SLC39A12: variants seen among roughly 807,000 people sequenced by gnomAD.
SLC39A12 encodes solute carrier family 39 member 12, also known as zinc transporter ZIP12.
A neutral mutation model predicts 71.1 loss-of-function variants in SLC39A12; 63 were observed. The ratio of observed to expected loss-of-function variants is 0.89; its 90% confidence interval spans 0.72 to 1.09. The LOEUF is 1.09. SLC39A12 is among the 50% of genes least tolerant of loss of function. SLC39A12 has a pLI of 0.00. For synonymous variants in SLC39A12, 351 were observed against 301.3 expected, an observed-to-expected ratio of 1.16 and a Z score of -1.71; for missense variants, 892 against 812.6, an observed-to-expected ratio of 1.10 and a Z score of -1.19.
At chr10:17,972,765 T>C (rs1412690665) in intron 4 of SLC39A12, among the ~76,000 whole-genome samples, 2 of 151,396 alleles carry the variant, frequency 1.3e-5, no homozygotes, top group Non-Finnish European at 2.9e-5. Context: ...AATAGATCAA[T>C]GGTCTTATTT....
At chr10:18,011,693 A>T (rs1836229788) in intron 12 of SLC39A12, among the ~76,000 whole-genome samples, 1 of 152,244 alleles carries the variant, frequency 6.6e-6, no homozygotes, top group South Asian at 2.1e-4. Flanking sequence ...CCTAAGGAAA[A>T]AAAGGAGAAG....
At chr10:18,023,819 C>T (rs1347489502) in intron 12 of SLC39A12, among the ~76,000 whole-genome samples, 1 of 152,210 alleles carries the variant, frequency 6.6e-6, no homozygotes, top group Non-Finnish European at 1.5e-5. Flanking sequence ...CCACCACCAA[C>T]CTAAGTGCCC....
intron 2 of SLC39A12, among the ~76,000 whole-genome samples, chr10:17,959,841 CAAAT>C (rs1554848152): frequency 2.0e-5 from 3 of 152,072 alleles, no homozygotes; most frequent in East Asian, 1.9e-4. Context: ...GCTTGTGAAA[CAAAT>C]AAGGCAGCAC....
chr10:18,042,690 T>G lies in SLC39A12; in HGVS notation c.1948-15T>G. On this transcript the variant is annotated splice_polypyrimidine_tract_variant and intron_variant, in intron 12 of 12. Coordinates refer to ENST00000377369, the MANE Select transcript of SLC39A12 (RefSeq NM_001145195.2). Reference sequence around the variant, plus strand: ...TATATCTGGATCTTATTCTGGTTTTTTATTCTTTTTTTAGCTTCCTGAAAT... The same window carrying G: ...TATATCTGGATCTTATTCTGGTTTTGTATTCTTTTTTTAGCTTCCTGAAAT... 6.3e-7 allele frequency: 1 copy of G among 1,598,962 alleles called. No individual in the cohort carries two copies. The highest frequency in any genetic ancestry group is 1.1e-5 in the South Asian group (1 of 87,528).
chr10:17,989,592 G>A (rs1336683345), intron 7 of SLC39A12, among the ~76,000 whole-genome samples: 3 of 129,814 alleles, frequency 2.3e-5, no homozygotes, highest in South Asian at 2.5e-4. Flanking sequence ...TGGGTTTCCC[G>A]AAATTTTGTA....
chr10:18,041,821 ATG>A (rs1261395213), intron 12 of SLC39A12, among the ~76,000 whole-genome samples: 2 of 135,738 alleles, frequency 1.5e-5, no homozygotes, highest in Middle Eastern at 3.9e-3. Flanking sequence ...GTATACGTAT[ATG>A]TATGTACATA....
At chr10:17,985,449 A>G (rs1239970058) in intron 6 of SLC39A12, among the ~76,000 whole-genome samples, 1 of 115,450 alleles carries the variant, frequency 8.7e-6, no homozygotes, top group Non-Finnish European at 1.8e-5. Flanking sequence ...TTAAGAGGAT[A>G]GTTTTTTTTT....
chr10:17,961,418 G>A (rs1834685414), intron 2 of SLC39A12, among the ~76,000 whole-genome samples, 163 bp from the exon 3 acceptor site: 1 of 152,206 alleles, frequency 6.6e-6, no homozygotes, highest in Admixed American at 6.5e-5. Context: ...AGGCATCATT[G>A]TTATGCGGGA....
intron 5 of SLC39A12, among the ~76,000 whole-genome samples, chr10:17,979,429 T>G (rs932819543): frequency 1.5e-4 from 23 of 152,374 alleles, no homozygotes; most frequent in Non-Finnish European, 3.1e-4. Context: ...ATTCTCTTCT[T>G]GTTTCTCTCT....
chr10:18,036,246 C>A (rs1053494446), intron 12 of SLC39A12, among the ~76,000 whole-genome samples: 6 of 152,226 alleles, frequency 3.9e-5, no homozygotes, highest in Non-Finnish European at 8.8e-5. Flanking sequence ...CCTCCCCCAG[C>A]CTCACTGCCG....
At chr10:18,005,037 A>C (rs1260150479) in intron 12 of SLC39A12, among the ~76,000 whole-genome samples, 1 of 145,546 alleles carries the variant, frequency 6.9e-6, no homozygotes, top group Non-Finnish European at 1.5e-5. Context: ...GAACACATGG[A>C]CATAGGGACG....
intron 12 of SLC39A12, among the ~76,000 whole-genome samples, chr10:18,014,404 G>T (rs528056441): frequency 6.6e-6 from 1 of 152,180 alleles, no homozygotes; most frequent in African/African-American, 2.4e-5. Flanking sequence ...TTAACAGAAA[G>T]GTGTATTCTA....
chr10:17,955,553 A>G (rs1834519073), intron 2 of SLC39A12, among the ~76,000 whole-genome samples: 1 of 152,178 alleles, frequency 6.6e-6, no homozygotes, highest in African/African-American at 2.4e-5. Flanking sequence ...CATCTGAGGG[A>G]CTTTGTCTGC....
chr10:18,030,011 A>G (rs1004247368), intron 12 of SLC39A12, among the ~76,000 whole-genome samples: 1 of 151,038 alleles, frequency 6.6e-6, no homozygotes, highest in Admixed American at 6.6e-5. Context: ...ACTCTCTGGT[A>G]TTTGGTATCC....
chr10:17,986,900 G>C lies in SLC39A12; in HGVS notation c.1097-579G>C, dbSNP rs550507097. Among the ~76,000 whole-genome samples the C allele has an allele frequency of 7.5e-4, 114 of 152,288 alleles. 1 individual carries two copies. The highest frequency in any genetic ancestry group is 2.6e-3 in the African/African-American group (109 of 41,566). On this transcript the variant is annotated intron_variant, in intron 6 of 12. Transcript: ENST00000377369. ...CCTGCCCGTAGTCCCAGCTGCTCGA[G>C]GGTCTGATGTGGGAAGATCACTTGA...
At chr10:18,031,082 A>G (rs1440651490) in intron 12 of SLC39A12, among the ~76,000 whole-genome samples, 3 of 147,834 alleles carry the variant, frequency 2.0e-5, no homozygotes, top group Non-Finnish European at 3.0e-5. Context: ...AGTCTTTGCT[A>G]TTGTGAATAA....
chr10:18,011,364 C>G (rs897358889), intron 12 of SLC39A12, among the ~76,000 whole-genome samples: 1 of 152,234 alleles, frequency 6.6e-6, no homozygotes, highest in Non-Finnish European at 1.5e-5. Flanking sequence ...GCTGGGATTA[C>G]AGGCATGAGC....
At chr10:18,024,601 T>G (rs963821538) in intron 12 of SLC39A12, among the ~76,000 whole-genome samples, 4 of 152,208 alleles carry the variant, frequency 2.6e-5, no homozygotes, top group African/African-American at 9.6e-5. Flanking sequence ...AGCTAGTGTT[T>G]ACTTGCCACT....
At chr10:18,034,033 T>C (rs1334660917) in intron 12 of SLC39A12, among the ~76,000 whole-genome samples, 3 of 148,732 alleles carry the variant, frequency 2.0e-5, no homozygotes, top group Non-Finnish European at 3.0e-5. Flanking sequence ...TTATAATTTC[T>C]GTTCTTTTAC....
Sources: allele counts gnomAD v4.1 joint callset (sites outside exome capture counted in the v4.1 genomes callset), GRCh38; gene constraint gnomAD v4.1.1; transcripts MANE v1.5; gene names NCBI Gene and HGNC (gene_info 2026-07-23, HGNC 2026-07-21).